HPSE: variants seen among roughly 807,000 people sequenced by gnomAD.
HPSE encodes heparanase.
A neutral mutation model predicts 65.1 loss-of-function variants in HPSE; 48 were observed. That is an observed-to-expected ratio of 0.74 (90% CI 0.58 to 0.94). The LOEUF is 0.94. HPSE is among the 40% of genes least tolerant of loss of function. The pLI is 0.00. For synonymous variants in HPSE, 243 were observed against 260.0 expected (o/e 0.93, Z 0.63); for missense variants, 644 against 637.5 (o/e 1.01, Z -0.11).
intron 2 of HPSE, among the ~76,000 whole-genome samples, chr4:83,320,598 A>G (rs1560513239): frequency 6.6e-6 from 1 of 151,704 alleles, no homozygotes; most frequent in Non-Finnish European, 1.5e-5. Context: ...AAAAATCCAC[A>G]CCATCCTGTC....
intron 1 of HPSE, among the ~76,000 whole-genome samples, chr4:83,331,165 T>C (rs1326264985): frequency 6.6e-6 from 1 of 151,870 alleles, no homozygotes; most frequent in Non-Finnish European, 1.5e-5. Context: ...GGTAACGCCA[T>C]TGTACTCTAG....
rs750683217 is a variant in HPSE at position 83,302,100 on chromosome 4, G to A, written c.1325+50C>T. 22 of 1,229,518 alleles carry A rather than the reference G, an allele frequency of 1.8e-5. No homozygotes were observed. The East Asian group carries it at 4.4e-4, about 25-fold the overall frequency. The allele number at this position is 1,229,518 out of a possible 1,614,324, so 76.2% of individuals were successfully genotyped here. ...ACAGGGTGTTTGAGTAAAGTTACAG[G>A]CTTACCCACTAAAACTTGATGATTG... On this transcript the variant is annotated intron_variant, in intron 10 of 11. Transcript: ENST00000311412.
chr4:83,328,753 TGGGGAAAGG>T (rs1414281182), intron 1 of HPSE, among the ~76,000 whole-genome samples: 1 of 1,386 alleles, frequency 7.2e-4, no homozygotes, highest in Non-Finnish European at 1.6e-3. Flanking sequence ...GGGAAAGGCT[TGGGGAAAGG>T]CTTGGGGAAA....
chr4:83,310,243 T>C (rs1736314508), intron 5 of HPSE, among the ~76,000 whole-genome samples, 165 bp from the exon 6 acceptor site: 1 of 152,234 alleles, frequency 6.6e-6, no homozygotes, highest in African/African-American at 2.4e-5. Flanking sequence ...GACATTTGCC[T>C]CAGATCCCTT....
intron 5 of HPSE, 114 bp from the exon 6 acceptor site, chr4:83,310,192 A>G (rs1339298068): frequency 1.5e-6 from 1 of 653,452 alleles, no homozygotes; most frequent in African/African-American, 1.8e-5. Flanking sequence ...GATCAGGTAA[A>G]CACAAACTTC....
At chr4:83,298,063 A>G (rs1000150091) in intron 11 of HPSE, among the ~76,000 whole-genome samples, 1 of 152,232 alleles carries the variant, frequency 6.6e-6, no homozygotes, top group Non-Finnish European at 1.5e-5. Context: ...AATCAGCTGT[A>G]TATTTATCTA....
intron 1 of HPSE, 149 bp downstream of exon 1, chr4:83,334,407 A>C: frequency 1.2e-6 from 1 of 864,804 alleles, no homozygotes; most frequent in Non-Finnish European, 1.8e-6. Flanking sequence ...GAGAGGGAGA[A>C]TGAGAGGCGG....
intron 9 of HPSE, among the ~76,000 whole-genome samples, chr4:83,305,927 A>T (rs1289129302): frequency 1.3e-5 from 2 of 152,228 alleles, no homozygotes; most frequent in Admixed American, 1.3e-4. Context: ...GTCTTGTATA[A>T]TGAGTCATAA....
intron 3 of HPSE, among the ~76,000 whole-genome samples, chr4:83,314,378 G>T (rs1736547985): frequency 6.6e-6 from 1 of 152,078 alleles, no homozygotes; most frequent in Admixed American, 6.5e-5. Flanking sequence ...CAGAGGCACT[G>T]TAGGATCTTT....
chr4:83,313,021 CA>C (rs370866017), intron 4 of HPSE, 92 bp downstream of exon 4: 92,930 of 620,248 alleles, frequency 0.15, 19 homozygotes, highest in East Asian at 0.21. Context: ...GACTCTGTCT[CA>C]AAAAAAAAAA....
At position 83,306,670 on chromosome 4, in the gene HPSE, A is replaced by T. The variant is rs1432614397; in HGVS notation, c.1092-353T>A. On this transcript the variant is annotated intron_variant, in intron 8 of 11. Coordinates refer to ENST00000311412, the MANE Select transcript of HPSE (RefSeq NM_001098540.3). ...GCTGTCCTTCTTCATTCCTGGGTGTAGGCTGAACTAACTTTGGGAAGAAAT... is the reference window on the plus strand; with the variant it reads ...GCTGTCCTTCTTCATTCCTGGGTGTTGGCTGAACTAACTTTGGGAAGAAAT... Among the ~76,000 whole-genome samples, 6 of 152,318 alleles carry T rather than the reference A, an allele frequency of 3.9e-5. No individual in the cohort carries two copies. In the East Asian group the frequency reaches 1.2e-3, roughly 29 times the overall value.
chr4:83,323,513 AC>A (rs1190743210), intron 1 of HPSE, among the ~76,000 whole-genome samples: 19 of 152,030 alleles, frequency 1.2e-4, no homozygotes, highest in African/African-American at 3.6e-4. Context: ...AAACACACAC[AC>A]ACACACACAC....
At chr4:83,311,962 A>G (rs1736396911) in intron 4 of HPSE, among the ~76,000 whole-genome samples, 1 of 152,174 alleles carries the variant, frequency 6.6e-6, no homozygotes, top group Non-Finnish European at 1.5e-5. Context: ...AGTTCTTTGC[A>G]AAAAAAGAGT....
chr4:83,319,289 C>T, intron 3 of HPSE, 55 bp downstream of exon 3: 2 of 1,580,740 alleles, frequency 1.3e-6, no homozygotes, highest in Non-Finnish European at 1.7e-6. Flanking sequence ...CCGAGTCCAA[C>T]CTATTCAAAT....
intron 3 of HPSE, among the ~76,000 whole-genome samples, chr4:83,316,396 G>T (rs1224240505): frequency 1.3e-5 from 2 of 150,598 alleles, no homozygotes; most frequent in Non-Finnish European, 2.9e-5. Context: ...CTCAAAATAC[G>T]AAGAACAATT....
chr4:83,306,009 C>T (rs998613028), intron 9 of HPSE, among the ~76,000 whole-genome samples, 194 bp downstream of exon 9: 10 of 152,074 alleles, frequency 6.6e-5, no homozygotes, highest in Non-Finnish European at 5.9e-5. Flanking sequence ...AAAGTTATTC[C>T]TAGCTCTTGA....
chr4:83,300,663 A>G lies in HPSE; in HGVS notation c.1472+297T>C, dbSNP rs1263030409. Among the ~76,000 whole-genome samples the G allele has an allele frequency of 3.8e-5, 3 of 79,412 alleles. 1 individual carries two copies. Among genetic ancestry groups the G allele is most frequent in the African/African-American group, 9.7e-5 (3 of 30,990 alleles). 52.1% of individuals were successfully genotyped at this position (79,412 alleles called of 152,430 possible). A position where few individuals can be genotyped will look rare whatever the true frequency, so the allele number is the denominator to read the frequency against. On this transcript the variant is annotated intron_variant, in intron 11 of 11. Coordinates refer to ENST00000311412, the MANE Select transcript of HPSE (RefSeq NM_001098540.3). ...ACCCCGTCTCTACTAAAAATACAAA[A>G]AATTAGCCGGGCGTAGTGGCGGGCG...
At chr4:83,310,926 A>C in intron 4 of HPSE, 36 bp from the exon 5 acceptor site, 1 of 1,532,102 alleles carries the variant, frequency 6.5e-7, no homozygotes. Flanking sequence ...TATATCGAGA[A>C]ATGTTGTATT....
At chr4:83,311,319 A>ATAAG (rs1451458343) in intron 4 of HPSE, among the ~76,000 whole-genome samples, 1 of 152,098 alleles carries the variant, frequency 6.6e-6, no homozygotes, top group African/African-American at 2.4e-5. Context: ...AATAAAATAA[A>ATAAG]TAAGTAAAGT....
Sources: allele counts gnomAD v4.1 joint callset (sites outside exome capture counted in the v4.1 genomes callset), GRCh38; gene constraint gnomAD v4.1.1; transcripts MANE v1.5; gene names NCBI Gene and HGNC (gene_info 2026-07-23, HGNC 2026-07-21).